DTWD2: variants seen among roughly 807,000 people sequenced by gnomAD.
DTWD2 encodes tRNA-uridine aminocarboxypropyltransferase 2.
In DTWD2, 39 loss-of-function variants were observed where a neutral mutation model predicts 31.8. The ratio of observed to expected loss-of-function variants is 1.22; its 90% CI spans 0.95 to 1.60. The LOEUF is 1.60. DTWD2 is among the 40% of genes most tolerant of loss of function. DTWD2 has a pLI of 0.00. For missense variants in DTWD2, 515 were observed against 381.5 expected, an observed-to-expected ratio of 1.35 and a Z score of -2.92; for synonymous variants, 180 against 142.8, an observed-to-expected ratio of 1.26 and a Z score of -1.86.
intron 4 of DTWD2, among the ~76,000 whole-genome samples, chr5:118,877,557 T>C (rs1249207622): frequency 6.6e-6 from 1 of 151,962 alleles, no homozygotes; most frequent in East Asian, 1.9e-4. Flanking sequence ...AAGAGCCATA[T>C]ATGACAAACC....
intron 1 of DTWD2, among the ~76,000 whole-genome samples, chr5:118,982,103 T>C (rs1169554122): frequency 6.6e-6 from 1 of 152,170 alleles, no homozygotes; most frequent in Non-Finnish European, 1.5e-5. Context: ...TAAACAAAAA[T>C]GTAAAAGTAC....
In DTWD2 at chr5:118,904,472, C is replaced by A. The variant is rs534809156; in HGVS notation, c.597+24065G>T. Among the ~76,000 whole-genome samples the A allele has an allele frequency of 2.0e-5, 3 of 152,112 alleles. No individual in the cohort carries two copies. In the East Asian group the frequency reaches 5.8e-4, roughly 29 times the overall value. The stretch of plus-strand genomic sequence containing the variant: ...GGCACCATTTTTTGTATAACATGTG[C>A]ACGCACACACGTTTATGTAGCAGGA... On this transcript the variant is annotated intron_variant, in intron 4 of 5. Coordinates refer to ENST00000510708, the MANE Select transcript of DTWD2 (RefSeq NM_173666.4).
chr5:118,918,963 C>G (rs945598960), intron 4 of DTWD2, among the ~76,000 whole-genome samples: 1 of 152,276 alleles, frequency 6.6e-6, no homozygotes, highest in South Asian at 2.1e-4. Context: ...TTAAATAGGG[C>G]CCCTTCCTGT....
chr5:118,842,759 C>G (rs892371360), intron 5 of DTWD2, among the ~76,000 whole-genome samples: 3 of 143,570 alleles, frequency 2.1e-5, no homozygotes, highest in Admixed American at 2.1e-4. Flanking sequence ...ATGGCAAGAC[C>G]CTGTTTCTAT....
At chr5:118,868,792 T>C (rs1226340381) in intron 4 of DTWD2, among the ~76,000 whole-genome samples, 1 of 148,784 alleles carries the variant, frequency 6.7e-6, no homozygotes, top group Non-Finnish European at 1.5e-5. Context: ...TGAACCGTGA[T>C]TGCCACTGCA....
At chr5:118,929,480 G>A (rs997643777) in intron 3 of DTWD2, among the ~76,000 whole-genome samples, 3 of 147,196 alleles carry the variant, frequency 2.0e-5, no homozygotes, top group East Asian at 2.0e-4. Flanking sequence ...ATTTCTGTAC[G>A]TCACTTCCCT....
intron 4 of DTWD2, among the ~76,000 whole-genome samples, chr5:118,875,963 T>C (rs1752612687): frequency 6.6e-6 from 1 of 152,152 alleles, no homozygotes; most frequent in Non-Finnish European, 1.5e-5. Context: ...AGTAAAACAC[T>C]CTTCGGCAAA....
At position 118,838,195 on chromosome 5, in the gene DTWD2, A is replaced by C. The variant is rs192341858; in HGVS notation, c.*2722T>G. 2.0e-5 allele frequency: 3 copies of C among 152,176 alleles called. No individual in the cohort carries two copies. The highest frequency in any genetic ancestry group is 6.5e-5 in the Admixed American group (1 of 15,272). The allele number at this position is 152,176 out of a possible 1,614,324, so 9.4% of individuals were successfully genotyped here. On this transcript the variant is annotated 3_prime_UTR_variant, in exon 6 of 6. Transcript: ENST00000510708. ...GTGCAAGAAACTCTCAATACCTCTC[A>C]TTACACGCAGTGATTTTCAACATAC...
chr5:118,969,417 GA>G (rs1402117642), intron 1 of DTWD2, among the ~76,000 whole-genome samples: 1 of 152,188 alleles, frequency 6.6e-6, no homozygotes, highest in Non-Finnish European at 1.5e-5. Context: ...CCTTCTACAG[GA>G]GCATTCAGGC....
At chr5:118,882,104 T>C (rs1037667244) in intron 4 of DTWD2, among the ~76,000 whole-genome samples, 4 of 152,144 alleles carry the variant, frequency 2.6e-5, no homozygotes, top group Admixed American at 6.5e-5. Flanking sequence ...CAAGATACAA[T>C]GGGAGTACAG....
intron 1 of DTWD2, among the ~76,000 whole-genome samples, chr5:118,960,350 G>GA (rs1754678723): frequency 6.6e-6 from 1 of 152,032 alleles, no homozygotes; most frequent in African/African-American, 2.4e-5. Context: ...AATCACCAGA[G>GA]AAATGCAAAT....
intron 4 of DTWD2, among the ~76,000 whole-genome samples, chr5:118,878,329 A>G (rs913197798): frequency 3.3e-5 from 5 of 152,214 alleles, no homozygotes; most frequent in African/African-American, 1.2e-4. Context: ...AACCAATGGA[A>G]CAGAGTAAAG....
At chr5:118,983,287 G>A (rs1755348730) in intron 1 of DTWD2, among the ~76,000 whole-genome samples, 1 of 152,180 alleles carries the variant, frequency 6.6e-6, no homozygotes, top group Non-Finnish European at 1.5e-5. Context: ...TTAACCAACT[G>A]CTGCTCAGGA....
chr5:118,920,398 A>G (rs1256946353), intron 4 of DTWD2, among the ~76,000 whole-genome samples: 1 of 152,132 alleles, frequency 6.6e-6, no homozygotes, highest in East Asian at 1.9e-4. Context: ...AACTTTTGGA[A>G]GCAAACACAA....
intron 1 of DTWD2, among the ~76,000 whole-genome samples, chr5:118,955,127 T>G (rs1754555986): frequency 6.6e-6 from 1 of 152,222 alleles, no homozygotes; most frequent in South Asian, 2.1e-4. Context: ...TAAGCGTGAT[T>G]TAACCTAAAA....
chr5:118,918,529 T>A (rs191995679), intron 4 of DTWD2, among the ~76,000 whole-genome samples: 23 of 151,000 alleles, frequency 1.5e-4, no homozygotes, highest in Admixed American at 2.6e-4. Flanking sequence ...ATTGAGAGAA[T>A]TATAGAAACA....
intron 4 of DTWD2, among the ~76,000 whole-genome samples, chr5:118,868,182 A>C (rs1022853513): frequency 2.0e-5 from 3 of 152,196 alleles, no homozygotes; most frequent in Non-Finnish European, 2.9e-5. Flanking sequence ...CTTTTCAACA[A>C]ATGGTGTCAG....
chr5:118,921,031 T>C (rs1753691504), intron 4 of DTWD2, among the ~76,000 whole-genome samples: 1 of 152,206 alleles, frequency 6.6e-6, no homozygotes. Flanking sequence ...TATAGGAAGA[T>C]CATAGTTCCT....
At chr5:118,894,682 T>C (rs1031277023) in intron 4 of DTWD2, among the ~76,000 whole-genome samples, 4 of 152,160 alleles carry the variant, frequency 2.6e-5, no homozygotes, top group African/African-American at 9.7e-5. Context: ...CATGATCAAG[T>C]GGGATTCATC....
Sources: gnomAD v4.1 joint callset for allele counts (sites outside exome capture counted in the v4.1 genomes callset) on GRCh38, gnomAD v4.1.1 for gene constraint, MANE v1.5 for transcripts, NCBI Gene and HGNC (gene_info 2026-07-23, HGNC 2026-07-21) for gene names.